TENM1: variants seen among roughly 807,000 people sequenced by gnomAD.
The protein encoded by TENM1 is teneurin transmembrane protein 1, also known as teneurin-1.
In TENM1, 35 loss-of-function variants were observed where a neutral mutation model predicts 174.8. That is an observed-to-expected ratio of 0.20 (90% CI 0.15 to 0.27). The LOEUF (loss-of-function observed/expected upper bound fraction) is 0.27. Ranked by LOEUF, TENM1 falls within the 10% of genes least tolerant of loss-of-function variation. TENM1 has a pLI of 1.00. For missense variants in TENM1, 1,633 were observed against 2,130.1 expected, an observed-to-expected ratio of 0.77 and a Z score of 4.59; for synonymous variants, 781 against 798.7, an observed-to-expected ratio of 0.98 and a Z score of 0.37.
At chrX:125,147,935 G>T in the TENM1 span, among the ~76,000 whole-genome samples, 1 of 111,620 alleles carries the variant, frequency 9.0e-6, no homozygotes, top group African/African-American at 3.3e-5. Flanking sequence ...GGCCGCCAAT[G>T]ACTTTTTCTC....
chrX:124,567,567 G>A (rs1164200669), intron 11 of TENM1, among the ~76,000 whole-genome samples: 1 of 112,004 alleles, frequency 8.9e-6, no homozygotes, highest in African/African-American at 3.2e-5. Flanking sequence ...TAAAGGTGTA[G>A]TTGAAAAGCC....
At chrX:124,816,415 T>C (rs745611606) in intron 3 of TENM1, among the ~76,000 whole-genome samples, 134 of 112,245 alleles carry the variant, frequency 1.2e-3, no homozygotes, top group Non-Finnish European at 1.7e-3. Context: ...ATAAAATATC[T>C]TTAAGCACTT....
intron 3 of TENM1, among the ~76,000 whole-genome samples, chrX:124,844,540 A>AT (rs933345248): frequency 9.0e-6 from 1 of 110,957 alleles, no homozygotes; most frequent in African/African-American, 3.3e-5. Context: ...GGGTGATCAT[A>AT]TTTTTGTGCT....
chrX:124,957,516 G>A (rs1359301229), intron 1 of TENM1, among the ~76,000 whole-genome samples: 2 of 105,708 alleles, frequency 1.9e-5, no homozygotes, highest in African/African-American at 3.5e-5. Context: ...CCTGGAAGGC[G>A]GAGTTTGCAG....
the TENM1 span, among the ~76,000 whole-genome samples, chrX:125,103,271 C>T: frequency 4.9e-3 from 543 of 111,536 alleles, 1 homozygote; most frequent in Middle Eastern, 0.028. Flanking sequence ...CTTTCTGGCA[C>T]AAATACTGTA....
At chrX:125,140,309 T>C in the TENM1 span, among the ~76,000 whole-genome samples, 273 of 112,006 alleles carry the variant, frequency 2.4e-3, 1 homozygote, top group African/African-American at 8.6e-3. Context: ...CTGGAGGTCA[T>C]TATGTTAAGT....
intron 23 of TENM1, among the ~76,000 whole-genome samples, chrX:124,425,745 CTG>C (rs2060706054): frequency 9.0e-6 from 1 of 111,690 alleles, no homozygotes; most frequent in African/African-American, 3.3e-5. Flanking sequence ...GTTTTGATGG[CTG>C]TGGGAAGCCA....
the TENM1 span, among the ~76,000 whole-genome samples, chrX:125,154,314 T>C: frequency 2.7e-5 from 3 of 111,942 alleles, no homozygotes; most frequent in Admixed American, 1.9e-4. Flanking sequence ...ATCGAAGTCA[T>C]GAGAAAGAGT....
intron 3 of TENM1, among the ~76,000 whole-genome samples, chrX:124,777,803 T>C (rs1327408039): frequency 1.8e-5 from 2 of 112,621 alleles, no homozygotes; most frequent in Non-Finnish European, 3.7e-5. Flanking sequence ...CCATTTCAAA[T>C]AATTTAATAT....
chrX:124,802,233 T>C (rs2055473831), intron 3 of TENM1, among the ~76,000 whole-genome samples: 1 of 111,997 alleles, frequency 8.9e-6, no homozygotes, highest in Admixed American at 9.4e-5. Context: ...TGATTCTTTC[T>C]CATCTTCATG....
chrX:124,468,980 A>G (rs2061270282), intron 22 of TENM1, among the ~76,000 whole-genome samples: 1 of 111,497 alleles, frequency 9.0e-6, no homozygotes, highest in Non-Finnish European at 1.9e-5. Flanking sequence ...GGTTGTTTCT[A>G]TTTTTTATAC....
intron 3 of TENM1, among the ~76,000 whole-genome samples, chrX:124,745,088 AG>A (rs1212655786): frequency 8.9e-6 from 1 of 112,073 alleles, no homozygotes; most frequent in African/African-American, 3.2e-5. Context: ...AGGCTAGGGA[AG>A]CCTCGGAAAG....
At chrX:124,541,803 T>G (rs979212028) in intron 15 of TENM1, among the ~76,000 whole-genome samples, 6 of 112,145 alleles carry the variant, frequency 5.4e-5, no homozygotes, top group African/African-American at 1.9e-4. Flanking sequence ...CATCAAGAGG[T>G]GGGATCTATG....
chrX:124,691,849 T>C (rs2148472751), intron 5 of TENM1, among the ~76,000 whole-genome samples: 1 of 111,665 alleles, frequency 9.0e-6, no homozygotes, highest in East Asian at 2.8e-4. Flanking sequence ...AATTTTCATC[T>C]TATACAAGGT....
chrX:125,014,057 A>T, the TENM1 span, among the ~76,000 whole-genome samples: 1 of 111,725 alleles, frequency 9.0e-6, no homozygotes, highest in African/African-American at 3.2e-5. Flanking sequence ...AATAGTTCAT[A>T]TATCAATAGA....
chrX:124,632,181 G>A (rs1024350128), intron 11 of TENM1, among the ~76,000 whole-genome samples: 2 of 109,637 alleles, frequency 1.8e-5, no homozygotes. Flanking sequence ...AAAGTGCTAG[G>A]GTTACAGGCA....
the TENM1 span, among the ~76,000 whole-genome samples, chrX:125,081,288 A>T: frequency 2.7e-5 from 3 of 111,278 alleles, no homozygotes; most frequent in Non-Finnish European, 5.7e-5. Flanking sequence ...TAGTTTCAAT[A>T]CCATGTATCC....
the TENM1 span, among the ~76,000 whole-genome samples, chrX:125,159,844 AGAGGT>A: frequency 1.8e-5 from 2 of 111,872 alleles, no homozygotes; most frequent in South Asian, 3.8e-4. Context: ...GAGCACATGA[AGAGGT>A]GAGATTTTGA....
chrX:124,667,644 C>A, intron 6 of TENM1, among the ~76,000 whole-genome samples: 1 of 109,093 alleles, frequency 9.2e-6, no homozygotes, highest in South Asian at 3.9e-4. Context: ...TAGTGAGGGA[C>A]TATTTTGGTA....
Sources: gnomAD v4.1 joint callset for allele counts (sites outside exome capture counted in the v4.1 genomes callset) on GRCh38, gnomAD v4.1.1 for gene constraint, MANE v1.5 for transcripts, NCBI Gene and HGNC (gene_info 2026-07-23, HGNC 2026-07-21) for gene names.